TYRO3: variants seen among roughly 807,000 people sequenced by gnomAD.
TYRO3 encodes tyrosine-protein kinase receptor TYRO3.
TYRO3 carries 38 observed loss-of-function variants against 95.2 expected under a neutral mutation model. That is an observed-to-expected ratio of 0.40 (90% confidence interval 0.31 to 0.52). The LOEUF is 0.52. Ranked by LOEUF, TYRO3 falls within the 20% of genes least tolerant of loss-of-function variation. The pLI is 0.56. For synonymous variants in TYRO3, 367 were observed against 432.9 expected (o/e 0.85, Z 1.89); for missense variants, 812 against 1,116.4 (o/e 0.73, Z 3.89).
chr15:41,568,489 T>C (rs1232495062), intron 8 of TYRO3, 127 bp downstream of exon 8: 1 of 953,122 alleles, frequency 1.0e-6, no homozygotes, highest in Admixed American at 2.7e-5. Context: ...AGGGAATCCT[T>C]TCCTCCTCAC....
chr15:41,564,163 A>G, intron 4 of TYRO3, 21 bp from the exon 5 acceptor site: 1 of 1,462,796 alleles, frequency 6.8e-7, no homozygotes, highest in Non-Finnish European at 9.6e-7. Context: ...TGGGGAGCTG[A>G]CTGAGGTTTT....
chr15:41,562,524 C>T (rs571606422), intron 3 of TYRO3, 24 bp from the exon 4 acceptor site: 16 of 1,504,258 alleles, frequency 1.1e-5, no homozygotes, highest in Non-Finnish European at 1.4e-5. Flanking sequence ...GCAGGGCTCA[C>T]TCCTCACTCC....
chr15:41,563,185 C>A (rs1031315945), intron 4 of TYRO3, among the ~76,000 whole-genome samples: 1 of 152,078 alleles, frequency 6.6e-6, no homozygotes, highest in Non-Finnish European at 1.5e-5. Flanking sequence ...TACAGGGCCT[C>A]CTCCCCTAAT....
chr15:41,571,590 C>T lies in TYRO3; in HGVS notation c.1661-5C>T, dbSNP rs767208975. 5.2e-6 allele frequency: 6 copies of T among 1,161,538 alleles called. No individual in the cohort carries two copies. Among genetic ancestry groups the T allele is most frequent in the Non-Finnish European group, 6.5e-6 (5 of 773,714 alleles). The allele number at this position is 1,161,538 out of a possible 1,614,324, so 72.0% of individuals were successfully genotyped here. ...ATTTCCTCCTTCCCCATCCCCTTCT[C>T]CTAGCTGACATCATTGCCTCAAGCG... is the stretch of plus-strand genomic sequence containing the variant. On this transcript the variant is annotated splice_region_variant and splice_polypyrimidine_tract_variant and intron_variant, in intron 13 of 18. Coordinates refer to ENST00000263798, the MANE Select transcript of TYRO3 (RefSeq NM_006293.4).
intron 8 of TYRO3, 46 bp from the exon 9 acceptor site, chr15:41,568,832 C>T (rs755827802): frequency 1.6e-5 from 25 of 1,593,198 alleles, no homozygotes; most frequent in Non-Finnish European, 2.1e-5. Flanking sequence ...AGCTGGAGGC[C>T]TTCTCCCCAG....
intron 6 of TYRO3, among the ~76,000 whole-genome samples, chr15:41,565,994 C>T (rs960830825): frequency 1.3e-5 from 2 of 152,106 alleles, no homozygotes; most frequent in Non-Finnish European, 2.9e-5. Context: ...AGGAGGGGCC[C>T]CTGCTCTGGG....
In TYRO3 at chr15:41,579,434, C is replaced by T. The variant is rs890192344; in HGVS notation, c.*1158C>T. ...GTGTGATCTTGGTTCACTGCAACCT[C>T]TGCCTCCTGGGTTCAAGCGATTCTT... is the stretch of plus-strand genomic sequence containing the variant. On this transcript the variant is annotated 3_prime_UTR_variant, in exon 19 of 19. Transcript: ENST00000263798. 1 of 151,534 alleles carries T rather than the reference C, an allele frequency of 6.6e-6. No individual in the cohort carries two copies. Among genetic ancestry groups the T allele is most frequent in the African/African-American group, 2.4e-5 (1 of 41,202 alleles). The allele number at this position is 151,534 out of a possible 1,614,324, so 9.4% of individuals were successfully genotyped here. A position where few individuals can be genotyped will look rare whatever the true frequency, so the allele number is the denominator to read the frequency against.
At position 41,571,052 on chromosome 15, in the gene TYRO3, G is replaced by T; in HGVS notation, c.1594G>T (p.Val532Leu). The change falls in exon 13 of 19, where the codon GTG (valine) becomes TTG (leucine). Residue 532 changes from valine to leucine, a missense_variant. Physicochemically the swap from Val to Leu is conservative, Grantham distance 32. Coordinates refer to ENST00000263798, the MANE Select transcript of TYRO3 (RefSeq NM_006293.4). ...RMLGKGEFGSVREAQLKQEDG... is the reference protein window; with the variant it reads ...RMLGKGEFGSLREAQLKQEDG... ...TTGGTTCCTAGGAGAGTTTGGTTCA[G>T]TGCGGGAGGCCCAGCTGAAGCAAGA... The T allele has an allele frequency of 9.3e-6, 15 of 1,614,148 alleles. No homozygotes were observed. The highest frequency in any genetic ancestry group is 1.3e-5 in the Non-Finnish European group (15 of 1,179,996).
intron 5 of TYRO3, among the ~76,000 whole-genome samples, 164 bp downstream of exon 5, chr15:41,564,434 T>TGA (rs2055696434): frequency 6.6e-6 from 1 of 152,190 alleles, no homozygotes; most frequent in African/African-American, 2.4e-5. Context: ...TGGGAGCACC[T>TGA]GAGACCCTGC....
Position 41,578,163 on chromosome 15 carries a change from G to A in TYRO3, c.2560G>A (p.Gly854Arg), listed in dbSNP as rs776938696. The change falls in exon 19 of 19, where the codon GGA becomes AGA. Residue 854 changes from glycine (G) to arginine (R), a missense_variant. Gly to Arg is a moderately radical substitution (Grantham distance 125, BLOSUM62 -2). Coordinates refer to ENST00000263798, the MANE Select transcript of TYRO3 (RefSeq NM_006293.4). The part of the protein sequence containing the change: ...PSDCRYILTP[G>R]GLAEQPGQAE... ...TGACTGTCGGTACATACTCACCCCC[G>A]GAGGGCTGGCTGAGCAGCCAGGGCA... The A allele has an allele frequency of 1.3e-5, 21 of 1,613,806 alleles. No individual in the cohort carries two copies. The highest frequency in any genetic ancestry group is 3.3e-5 in the South Asian group (3 of 91,080).
chr15:41,567,243 G>T (rs1470810241), intron 6 of TYRO3, 117 bp from the exon 7 acceptor site: 6 of 857,346 alleles, frequency 7.0e-6, no homozygotes, highest in African/African-American at 1.7e-5. Context: ...GAGGGCGTGG[G>T]TTGCAAGTGT....
chr15:41,562,366 G>A, intron 3 of TYRO3, 182 bp from the exon 4 acceptor site: 2 of 433,544 alleles, frequency 4.6e-6, no homozygotes, highest in Non-Finnish European at 7.9e-6. Flanking sequence ...TTCCTAAGGA[G>A]CCTGAAAAAG....
At chr15:41,576,784 C>T (rs2055866598) in intron 18 of TYRO3, among the ~76,000 whole-genome samples, 1 of 151,250 alleles carries the variant, frequency 6.6e-6, no homozygotes, top group South Asian at 2.1e-4. Context: ...TGCCCAGCCT[C>T]CCTAGTAGCT....
chr15:41,572,898 T>A, intron 15 of TYRO3, 104 bp from the exon 16 acceptor site: 1 of 758,156 alleles, frequency 1.3e-6, no homozygotes, highest in Non-Finnish European at 2.1e-6. Context: ...TTCCTTCCAG[T>A]GATTCTGGGG....
Position 41,568,245 on chromosome 15 carries a change from T to G in TYRO3, c.990T>G (p.His330Gln), listed in dbSNP as rs751147180. 1 of 1,612,788 alleles carries G rather than the reference T, an allele frequency of 6.2e-7. No homozygotes were observed. Among genetic ancestry groups the G allele is most frequent in the Non-Finnish European group, 8.5e-7 (1 of 1,179,946 alleles). The stretch of plus-strand genomic sequence containing the variant: ...CAGCCAGCGCTCCCCAAAACCTCCA[T>G]GCCATCCGCACAGATTCAGGCCTCA... ...LAPASAPQNL[H>Q]AIRTDSGLIL... Residue 330 changes from histidine to glutamine, a missense_variant, in exon 8 of 19, where the codon CAT (histidine) becomes CAG (glutamine). Transcript: ENST00000263798.
At chr15:41,562,854 C>T (rs971623998) in intron 4 of TYRO3, 136 bp downstream of exon 4, 8 of 874,718 alleles carry the variant, frequency 9.1e-6, no homozygotes, top group Non-Finnish European at 1.4e-5. Flanking sequence ...ACGTGAGCTG[C>T]ACCATTACTA....
rs2055879114 is a variant in TYRO3 at position 41,577,866 on chromosome 15, C to T, written c.2283-20C>T. ...TGAGGGAAGGGCTCCTGCCTTTTCT[C>T]ACGCTTCTCTCCACCCCAGGTATGA... On this transcript the variant is annotated intron_variant, in intron 18 of 18. Coordinates refer to ENST00000263798, the MANE Select transcript of TYRO3 (RefSeq NM_006293.4). 1 of 1,599,326 alleles carries T rather than the reference C, an allele frequency of 6.3e-7. No homozygotes were observed. The highest frequency in any genetic ancestry group is 1.3e-5 in the African/African-American group (1 of 74,536).
At chr15:41,559,969 A>G (rs2052142781) in intron 1 of TYRO3, among the ~76,000 whole-genome samples, 1 of 152,220 alleles carries the variant, frequency 6.6e-6, no homozygotes, top group African/African-American at 2.4e-5. Context: ...CCACATAGCC[A>G]CTGAGGCATT....
In TYRO3 at chr15:41,561,215, G is replaced by C; in HGVS notation, c.213G>C (p.Glu71Asp). The C allele has an allele frequency of 6.2e-7, 1 of 1,614,260 alleles. No individual in the cohort carries two copies. The highest frequency in any genetic ancestry group is 8.5e-7 in the Non-Finnish European group (1 of 1,180,038). ...ACTGCAGTGTGGAGGGGATGGAGGA[G>C]CCTGACATCCAGTGGGTGAAGGATG... ...KLNCSVEGME[E>D]PDIQWVKDGA... Residue 71 changes from glutamate (E) to aspartate (D), a missense_variant, in exon 2 of 19, where the codon GAG becomes GAC. Transcript: ENST00000263798.
Sources: gnomAD v4.1 joint callset for allele counts (sites outside exome capture counted in the v4.1 genomes callset) on GRCh38, gnomAD v4.1.1 for gene constraint, MANE v1.5 for transcripts, NCBI Gene and HGNC (gene_info 2026-07-23, HGNC 2026-07-21) for gene names.